Variants in CST1 observed in about 807,000 individuals in gnomAD.
The protein encoded by CST1 is cystatin SN, also known as cystatin-SN.
Under a neutral mutation model 10.7 loss-of-function variants are expected in CST1, and 19 were observed. That is an observed-to-expected ratio of 1.78 (90% CI 1.24 to 2.61). The LOEUF is 2.61. Among genes scored for constraint, CST1 ranks in the 30% most tolerant of loss-of-function variants. The pLI, the probability that CST1 is intolerant of heterozygous loss-of-function variation, is 0.00. For synonymous variants in CST1, 95 were observed against 72.8 expected (o/e 1.31, Z -1.55); for missense variants, 247 against 178.1 (o/e 1.39, Z -2.20).
chr20:23,747,994 G>A (rs1600405457), intron 2 of CST1, 95 bp from the exon 3 acceptor site: 2 of 1,265,888 alleles, frequency 1.6e-6, no homozygotes, highest in East Asian at 2.4e-5. Context: ...TGAGGAGGAT[G>A]GAGGTGAGAC....
rs201877331 is a variant in CST1, at chr20:23,750,671, G to T, written c.196C>A (p.Arg66Ser). 6.2e-7 allele frequency: 1 copy of T among 1,613,982 alleles called. No individual in the cohort carries two copies. The change falls in exon 1 of 3, where the codon CGT becomes AGT. Residue 66 changes from arginine to serine, a missense_variant. Arg to Ser is a moderately radical substitution (Grantham distance 110). Coordinates refer to ENST00000304749, the MANE Select transcript of CST1 (RefSeq NM_001898.3). ...CTGGCTCTTAGTACCCGCAGCGGAC[G>T]TCTGTAGTAGTCATCTTTGGTGGCC... The part of the protein sequence containing the change: ...NKATKDDYYR[R>S]PLRVLRARQQ...
chr20:23,750,654 T>C lies in CST1; in HGVS notation c.213A>G (p.Leu71=). The C allele has an allele frequency of 6.2e-7, 1 of 1,613,824 alleles. No homozygotes were observed. Among genetic ancestry groups the C allele is most frequent in the Non-Finnish European group, 8.5e-7 (1 of 1,179,996 alleles). ...GAGCACCTACCTGTTGCCTGGCTCT[T>C]AGTACCCGCAGCGGACGTCTGTAGT... ...DDYYRRPLRV[L]RARQQTVGGV... The change falls in exon 1 of 3, where the codon CTA becomes CTG. Residue 71 remains leucine (L), a synonymous_variant. Transcript: ENST00000304749.
intron 2 of CST1, among the ~76,000 whole-genome samples, chr20:23,748,541 G>T (rs528412528): frequency 1.3e-5 from 2 of 152,182 alleles, no homozygotes; most frequent in African/African-American, 4.8e-5. Context: ...GCACACAGCC[G>T]CACAGCTGCT....
chr20:23,748,860 CCAT>C lies in CST1; in HGVS notation c.342+153_342+155del, dbSNP rs1432543663. On this transcript the variant is annotated intron_variant, in intron 2 of 2. Transcript: ENST00000304749. The stretch of plus-strand genomic sequence containing the variant: ...CATGCACACCTACATGCACACCCCC[CCAT>C]AAGTACATGAACACGTACACATCCA... Among the ~76,000 whole-genome samples the C allele has an allele frequency of 6.2e-3, 945 of 152,028 alleles. 5 individuals carry two copies. Among genetic ancestry groups the C allele is most frequent in the African/African-American group, 0.021 (882 of 41,434 alleles).
Position 23,750,794 on chromosome 20 carries a change from C to A in CST1, c.73G>T (p.Glu25Ter). The A allele has an allele frequency of 6.2e-7, 1 of 1,614,130 alleles. No individual in the cohort carries two copies. The highest frequency in any genetic ancestry group is 8.5e-7 in the Non-Finnish European group (1 of 1,180,020). Residue 25 changes from glutamate (E) to a stop codon, truncating the protein, a stop_gained, in exon 1 of 3, where the codon GAG (glutamate) becomes TAG (stop). Transcript: ENST00000304749. LOFTEE classifies it high-confidence loss of function. ...LAVALAWSPK[E>*]EDRIIPGGIY... ...CCACCCGGGATTATCCTATCCTCCT[C>A]CTTGGGGCTCCAGGCCAGGGCCACA...
In CST1 at chr20:23,750,747, A is replaced by G; in HGVS notation, c.120T>C (p.Asn40=). 4 of 1,614,124 alleles carry G rather than the reference A, an allele frequency of 2.5e-6. No individual in the cohort carries two copies. Among genetic ancestry groups the G allele is most frequent in the Non-Finnish European group, 3.4e-6 (4 of 1,180,018 alleles). The part of the protein sequence containing the change: ...IPGGIYNADL[N]DEWVQRALHF... ...GAAGGGCACGCTGTACCCACTCATC[A>G]TTGAGGTCTGCGTTATAGATGCCAC... The change falls in exon 1 of 3, where the codon AAT becomes AAC. Residue 40 remains asparagine, a synonymous_variant. Transcript: ENST00000304749.
intron 1 of CST1, among the ~76,000 whole-genome samples, chr20:23,750,251 C>G (rs1982793443): frequency 6.6e-6 from 1 of 152,168 alleles, no homozygotes; most frequent in Admixed American, 6.5e-5. Flanking sequence ...GGAAGCAGGG[C>G]TCTGCAGAAC....
chr20:23,748,764 A>C (rs1216227255), intron 2 of CST1, among the ~76,000 whole-genome samples: 1 of 151,824 alleles, frequency 6.6e-6, no homozygotes, highest in Non-Finnish European at 1.5e-5. Context: ...ACATCCATGC[A>C]CAGGCACACA....
intron 1 of CST1, among the ~76,000 whole-genome samples, chr20:23,750,386 C>G (rs1322154975): frequency 6.6e-6 from 1 of 152,198 alleles, no homozygotes; most frequent in Non-Finnish European, 1.5e-5. Flanking sequence ...CCATCCACAC[C>G]TGCTGGACCC....
intron 1 of CST1, among the ~76,000 whole-genome samples, chr20:23,750,399 G>C (rs1982796873): frequency 6.6e-6 from 1 of 152,178 alleles, no homozygotes; most frequent in Non-Finnish European, 1.5e-5. Context: ...CTGGACCCTG[G>C]GAAATGCCAC....
intron 1 of CST1, among the ~76,000 whole-genome samples, chr20:23,749,862 T>C (rs1267027019): frequency 1.3e-5 from 2 of 149,164 alleles, no homozygotes; most frequent in Non-Finnish European, 3.0e-5. Context: ...CCAGGGAGTG[T>C]ATCTCGTATG....
chr20:23,748,945 A>G (rs1380981919), intron 2 of CST1, 71 bp downstream of exon 2: 1 of 1,546,298 alleles, frequency 6.5e-7, no homozygotes, highest in East Asian at 2.2e-5. Flanking sequence ...AAACATGTGT[A>G]GGGCAGAGGC....
In CST1 at chr20:23,747,641, G is replaced by A; in HGVS notation, c.*175C>T. On this transcript the variant is annotated 3_prime_UTR_variant, in exon 3 of 3. Transcript: ENST00000304749. Reference sequence around the variant, plus strand: ...GCTATTAGAAGCAAGAAGGAAGGAGGGAGGGCAGAGCGCCCTGCTGAGCAA... The same window carrying A: ...GCTATTAGAAGCAAGAAGGAAGGAGAGAGGGCAGAGCGCCCTGCTGAGCAA... 1 of 618,982 alleles carries A rather than the reference G, an allele frequency of 1.6e-6. No individual in the cohort carries two copies. Among genetic ancestry groups the A allele is most frequent in the East Asian group, 2.7e-5 (1 of 36,536 alleles). 38.3% of individuals were successfully genotyped at this position (618,982 alleles called of 1,614,324 possible).
At position 23,749,037 on chromosome 20, in the gene CST1, A is replaced by G. The variant is rs375902412; in HGVS notation, c.321T>C (p.His107=). ...GTACCTTCTGCAGTTCTGGCTGTTC[A>G]TGGAAGGCACAGGTGTCCAAGTTGG... ...SQPNLDTCAF[H]EQPELQKKQL... The change falls in exon 2 of 3, where the codon CAT becomes CAC. Residue 107 remains histidine, a synonymous_variant. Transcript: ENST00000304749. 2.5e-6 allele frequency: 4 copies of G among 1,614,056 alleles called. No homozygotes were observed. Among genetic ancestry groups the G allele is most frequent in the African/African-American group, 1.3e-5 (1 of 74,920 alleles).
intron 2 of CST1, 115 bp from the exon 3 acceptor site, chr20:23,748,014 T>C (rs556580964): frequency 2.0e-6 from 2 of 984,082 alleles, no homozygotes; most frequent in Non-Finnish European, 3.2e-6. Flanking sequence ...CACTGGGCCC[T>C]CACCCACCCC....
chr20:23,748,070 A>C (rs1290062766), intron 2 of CST1, among the ~76,000 whole-genome samples, 171 bp from the exon 3 acceptor site: 1 of 152,056 alleles, frequency 6.6e-6, no homozygotes, highest in Non-Finnish European at 1.5e-5. Context: ...TGACTGTTCC[A>C]TTGCCCCTCC....
chr20:23,749,863 A>G (rs1222120347), intron 1 of CST1, among the ~76,000 whole-genome samples: 1 of 149,634 alleles, frequency 6.7e-6, no homozygotes, highest in Non-Finnish European at 1.5e-5. Context: ...CAGGGAGTGT[A>G]TCTCGTATGC....
chr20:23,749,659 A>G (rs1220640473), intron 1 of CST1, among the ~76,000 whole-genome samples: 2 of 151,968 alleles, frequency 1.3e-5, no homozygotes, highest in Admixed American at 6.6e-5. Flanking sequence ...CCCAGACACA[A>G]TGTGGCAGAG....
rs1267856647 is a variant in CST1 at position 23,750,706 on chromosome 20, T to A, written c.161A>T (p.Glu54Val). ...GTCATCTTTGGTGGCCTTGTTATAC[T>A]CGCTGATGGCGAAGTGAAGGGCACG... ...VQRALHFAIS[E>V]YNKATKDDYY... Residue 54 changes from glutamate (E) to valine (V), a missense_variant, in exon 1 of 3, where the codon GAG (glutamate) becomes GTG (valine). Transcript: ENST00000304749. The A allele has an allele frequency of 1.2e-6, 2 of 1,614,162 alleles. No homozygotes were observed. Among genetic ancestry groups the A allele is most frequent in the Middle Eastern group, 1.7e-4 (1 of 6,048 alleles).
Sources: gnomAD v4.1 joint callset for allele counts (sites outside exome capture counted in the v4.1 genomes callset) on GRCh38, gnomAD v4.1.1 for gene constraint, MANE v1.5 for transcripts, NCBI Gene and HGNC (gene_info 2026-07-23, HGNC 2026-07-21) for gene names.